SHANK2: variants seen among roughly 807,000 people sequenced by gnomAD.
SHANK2 encodes SH3 and multiple ankyrin repeat domains protein 2.
SHANK2 carries 43 observed loss-of-function variants against 133.7 expected under a neutral mutation model. That is an observed-to-expected ratio of 0.32 (90% CI 0.25 to 0.41). SHANK2 has a LOEUF of 0.41. Ranked by LOEUF, SHANK2 falls within the 10% of genes least tolerant of loss-of-function variation. SHANK2 has a pLI of 1.00. For synonymous variants in SHANK2, 1,017 were observed against 952.8 expected, an observed-to-expected ratio of 1.07 and a Z score of -1.24; for missense variants, 1,994 against 2,235.8, an observed-to-expected ratio of 0.89 and a Z score of 2.18.
At position 70,756,387 on chromosome 11, in the gene SHANK2, C is replaced by T. The variant is rs562036446; in HGVS notation, c.1777+42056G>A. Among the ~76,000 whole-genome samples the T allele has an allele frequency of 7.9e-5, 12 of 152,274 alleles. No individual in the cohort carries two copies. In the East Asian group the frequency reaches 9.6e-4, roughly 12 times the overall value. ...ACTCACTGATCCTGGGGGCTGGCCA[C>T]GGTGCTGGGCCTAGGGATAGACAGG... On this transcript the variant is annotated intron_variant, in intron 14 of 25. Transcript: ENST00000601538.
rs781797341 is a variant in SHANK2, at chr11:70,485,878, A to G, written c.4415T>C (p.Leu1472Pro). The G allele has an allele frequency of 1.2e-6, 2 of 1,614,138 alleles. No homozygotes were observed. Among genetic ancestry groups the G allele is most frequent in the East Asian group, 4.5e-5 (2 of 44,872 alleles). ...AGGGGGTGGCAGGAATGAGGCAGGC[A>G]GACAGTTTGAAAGACTGGCTGGCTT... ...SKKPASLSNC[L>P]PASFLPPPES... The change falls in exon 25 of 26, where the codon CTG becomes CCG. Residue 1472 changes from leucine to proline, a missense_variant. Around this residue, in one of 5 missense-constraint regions of SHANK2, gnomAD observed 797 missense variants for 907.4 expected, o/e 0.88. Transcript: ENST00000601538. This position sits in a 1 kb window ranked among gnomAD's most constrained non-coding sequence, Gnocchi z 5.8.
intron 8 of SHANK2, among the ~76,000 whole-genome samples, chr11:71,085,852 ATTGTTATTTTAATATATT>A (rs1951392466): frequency 1.6e-3 from 3 of 1,886 alleles, no homozygotes; most frequent in African/African-American, 9.0e-3. Context: ...AATAATATAT[ATTGTTATTTTAATATATT>A]ATATATTTAT....
rs1951535155 is a variant in SHANK2 at position 71,092,456 on chromosome 11, C to T, written c.878G>A (p.Cys293Tyr). ...LLLHEHATVCCKDENGWHEIH... is the reference protein window; with the variant it reads ...LLLHEHATVCYKDENGWHEIH... ...CTCGTGCCAGCCGTTCTCATCTTTG[C>T]AGCACACAGTGGCGTGTTCGTGCAG... is the stretch of plus-strand genomic sequence containing the variant. The change falls in exon 8 of 26, where the codon TGC (cysteine) becomes TAC (tyrosine). Residue 293 changes from cysteine to tyrosine, a missense_variant. Around this residue, in one of 5 missense-constraint regions of SHANK2, gnomAD observed 653 missense variants for 563.4 expected, o/e 1.16. Transcript: ENST00000601538. 1.9e-6 allele frequency: 3 copies of T among 1,551,408 alleles called. No individual in the cohort carries two copies. In the African/African-American group the frequency reaches 4.1e-5, roughly 21 times the overall value.
At chr11:70,538,013 C>T (rs1438719377) in intron 17 of SHANK2, among the ~76,000 whole-genome samples, 1 of 152,232 alleles carries the variant, frequency 6.6e-6, no homozygotes, top group African/African-American at 2.4e-5. Flanking sequence ...CTCAAAGTAG[C>T]TCACTCACTT....
chr11:70,733,113 A>G (rs1204048492), intron 14 of SHANK2, among the ~76,000 whole-genome samples: 1 of 152,124 alleles, frequency 6.6e-6, no homozygotes, highest in African/African-American at 2.4e-5. Context: ...CGACAGAAAG[A>G]CGTGTCACAT....
intron 14 of SHANK2, among the ~76,000 whole-genome samples, chr11:70,726,539 G>C (rs1946185094): frequency 6.6e-6 from 1 of 152,140 alleles, no homozygotes; most frequent in Admixed American, 6.5e-5. Flanking sequence ...GGACAAAGCT[G>C]GTGGAAGCCA....
rs568265623 is a variant in SHANK2, at chr11:70,638,892, G to A, written c.2061+20936C>T. Among the ~76,000 whole-genome samples, 7 of 152,130 alleles carry A rather than the reference G, an allele frequency of 4.6e-5. No homozygotes were observed. In the East Asian group the frequency reaches 9.6e-4, roughly 21 times the overall value. On this transcript the variant is annotated intron_variant, in intron 17 of 25. Coordinates refer to ENST00000601538, the MANE Select transcript of SHANK2 (RefSeq NM_012309.5). ...GGTACCTGTAATCCCAGCTACTTGG[G>A]AGGCTGAGGCAGGAGAAGCATTTGA...
intron 17 of SHANK2, among the ~76,000 whole-genome samples, chr11:70,625,145 C>T (rs976004651): frequency 2.0e-5 from 3 of 152,108 alleles, no homozygotes; most frequent in Admixed American, 6.5e-5. Flanking sequence ...GACAGGCAGG[C>T]GTGGGGGGCA....
At chr11:70,570,193 G>A (rs999001469) in intron 17 of SHANK2, among the ~76,000 whole-genome samples, 16 of 152,208 alleles carry the variant, frequency 1.1e-4, no homozygotes, top group Non-Finnish European at 2.4e-4. Context: ...AGTAGGTTTG[G>A]CTGGCGGCCA....
intron 14 of SHANK2, among the ~76,000 whole-genome samples, chr11:70,747,724 A>C (rs144666213): frequency 6.6e-6 from 1 of 152,330 alleles, no homozygotes; most frequent in East Asian, 1.9e-4. Flanking sequence ...CTTGCTGCAC[A>C]TATGTATAGT....
chr11:71,058,804 G>A (rs1453525254), intron 9 of SHANK2, among the ~76,000 whole-genome samples: 5 of 152,364 alleles, frequency 3.3e-5, no homozygotes, highest in South Asian at 2.1e-4. Flanking sequence ...TCCCACCCAC[G>A]ACAGGTCAGA....
At chr11:70,544,762 G>A (rs115044350) in intron 17 of SHANK2, among the ~76,000 whole-genome samples, 99 of 152,356 alleles carry the variant, frequency 6.5e-4, no homozygotes, top group African/African-American at 2.1e-3. Context: ...GTCTCACTGC[G>A]ACGACAGAGG....
intron 14 of SHANK2, among the ~76,000 whole-genome samples, chr11:70,703,379 G>A (rs1248078568): frequency 6.6e-6 from 1 of 152,196 alleles, no homozygotes; most frequent in East Asian, 1.9e-4. Context: ...GTAAATCCAG[G>A]TGGTCTTCTT....
At chr11:70,474,657 A>T (rs1172617198) in intron 25 of SHANK2, 1 of 152,360 alleles carries the variant, frequency 6.6e-6, no homozygotes, top group Non-Finnish European at 1.5e-5. Flanking sequence ...TCCCTAGGAA[A>T]GCCACAGCCA....
chr11:71,223,514 T>C (rs546084305), intron 2 of SHANK2, among the ~76,000 whole-genome samples: 1 of 152,350 alleles, frequency 6.6e-6, no homozygotes, highest in African/African-American at 2.4e-5. Context: ...TGTTTAGGTA[T>C]CATACACAAT....
intron 10 of SHANK2, chr11:70,907,628 G>C (rs782502723): frequency 1.5e-5 from 3 of 206,732 alleles, no homozygotes; most frequent in African/African-American, 2.3e-5. Flanking sequence ...ATATTAAGGA[G>C]ATGATATCAT....
At chr11:71,211,018 C>T (rs955137340) in intron 2 of SHANK2, among the ~76,000 whole-genome samples, 1 of 152,066 alleles carries the variant, frequency 6.6e-6, no homozygotes, top group African/African-American at 2.4e-5. Flanking sequence ...CATTTGACCC[C>T]TCAGGGTCCT....
intron 17 of SHANK2, among the ~76,000 whole-genome samples, chr11:70,522,564 C>A (rs990043873): frequency 1.3e-5 from 2 of 152,204 alleles, no homozygotes; most frequent in South Asian, 4.1e-4. Context: ...GGTGGTACCC[C>A]CTCTATCGTC....
chr11:70,538,252 C>A (rs1259339861), intron 17 of SHANK2, among the ~76,000 whole-genome samples: 1 of 152,202 alleles, frequency 6.6e-6, no homozygotes, highest in Admixed American at 6.5e-5. Context: ...AGTCCCCGGG[C>A]GCTGACCTCT....
Sources: allele counts gnomAD v4.1 joint callset (sites outside exome capture counted in the v4.1 genomes callset), GRCh38; gene constraint gnomAD v4.1.1; regional missense constraint gnomAD v4.1.1; non-coding constraint Gnocchi (gnomAD v3.1); transcripts MANE v1.5; gene names NCBI Gene and HGNC (gene_info 2026-07-23, HGNC 2026-07-21).